The following KHDRBS3 variants were observed in gnomAD, a reference collection of about 807,000 sequenced individuals.
KHDRBS3 encodes the protein KH domain-containing, RNA-binding, signal transduction-associated protein 3.
Under a neutral mutation model 45.6 loss-of-function variants are expected in KHDRBS3, and 23 were observed. The ratio of observed to expected loss-of-function variants is 0.50; its 90% CI spans 0.36 to 0.72. The LOEUF (loss-of-function observed/expected upper bound fraction) is 0.72. KHDRBS3 is among the 30% of genes least tolerant of loss of function. KHDRBS3 has a pLI of 0.00. For synonymous variants in KHDRBS3, 162 were observed against 156.5 expected, an observed-to-expected ratio of 1.04 and a Z score of -0.26; for missense variants, 352 against 424.8, an observed-to-expected ratio of 0.83 and a Z score of 1.51.
At chr8:135,461,293 C>T (rs767990759) in intron 1 of KHDRBS3, among the ~76,000 whole-genome samples, 7 of 151,850 alleles carry the variant, frequency 4.6e-5, no homozygotes, top group South Asian at 2.1e-4. Context: ...TTAGTAGAGA[C>T]GGGGTTTCAC....
intron 7 of KHDRBS3, among the ~76,000 whole-genome samples, chr8:135,638,251 G>T (rs1461471075): frequency 6.6e-6 from 1 of 152,202 alleles, no homozygotes; most frequent in Non-Finnish European, 1.5e-5. Context: ...GGGTAATGGT[G>T]TTGGATCCCA....
chr8:135,599,969 A>C, intron 6 of KHDRBS3, among the ~76,000 whole-genome samples: 1 of 145,454 alleles, frequency 6.9e-6, no homozygotes, highest in Non-Finnish European at 1.5e-5. Flanking sequence ...CCTCCCTCAC[A>C]GCACCAGGCA....
chr8:135,570,841 A>G (rs1455617081), intron 5 of KHDRBS3, among the ~76,000 whole-genome samples: 1 of 152,114 alleles, frequency 6.6e-6, no homozygotes, highest in Non-Finnish European at 1.5e-5. Context: ...AATTCCTTCT[A>G]CTGAAATCAG....
intron 7 of KHDRBS3, among the ~76,000 whole-genome samples, chr8:135,610,227 C>T (rs1829654280): frequency 6.6e-6 from 1 of 151,858 alleles, no homozygotes; most frequent in African/African-American, 2.4e-5. Flanking sequence ...TTACTTAGAG[C>T]CTGCTCTAAA....
At chr8:135,540,119 C>A (rs1825972066) in intron 2 of KHDRBS3, 2 of 151,894 alleles carry the variant, frequency 1.3e-5, no homozygotes, top group African/African-American at 4.8e-5. Flanking sequence ...ATTTTTGAAA[C>A]CTATTAAAAT....
intron 5 of KHDRBS3, among the ~76,000 whole-genome samples, chr8:135,575,064 T>G (rs941812508): frequency 2.6e-5 from 4 of 152,192 alleles, no homozygotes; most frequent in African/African-American, 9.6e-5. Context: ...ATGTTTTTGC[T>G]CATGACAACT....
downstream of KHDRBS3, among the ~76,000 whole-genome samples, chr8:135,651,349 AT>A (rs1831424656): frequency 6.6e-6 from 1 of 151,370 alleles, no homozygotes; most frequent in South Asian, 2.1e-4. Context: ...ATACCTTAGT[AT>A]TGCTGTGAAG....
chr8:135,466,979 AAG>A (rs113082155), intron 1 of KHDRBS3, among the ~76,000 whole-genome samples: 20 of 152,282 alleles, frequency 1.3e-4, no homozygotes, highest in Middle Eastern at 3.4e-3. Context: ...AAATAACTAA[AAG>A]AGTATAATTG....
intron 2 of KHDRBS3, among the ~76,000 whole-genome samples, chr8:135,536,262 T>TTTTTTTTTTTTTTTTTTTTTTTA (rs1491256544): frequency 1.0e-5 from 1 of 98,762 alleles, no homozygotes; most frequent in Admixed American, 1.2e-4. Flanking sequence ...TTTTTTTTTT[T>TTTTTTTTTTTTTTTTTTTTTTTA]ATTATTGTTT....
chr8:135,610,224 G>T (rs1029397701), intron 7 of KHDRBS3, among the ~76,000 whole-genome samples: 1 of 151,868 alleles, frequency 6.6e-6, no homozygotes, highest in African/African-American at 2.4e-5. Flanking sequence ...CATTTACTTA[G>T]AGCCTGCTCT....
intron 1 of KHDRBS3, among the ~76,000 whole-genome samples, chr8:135,511,611 A>T (rs1487322443): frequency 1.3e-5 from 2 of 152,092 alleles, no homozygotes; most frequent in Admixed American, 1.3e-4. Flanking sequence ...GCTGGAGTGC[A>T]GTGGCGCGAT....
intron 7 of KHDRBS3, among the ~76,000 whole-genome samples, chr8:135,614,602 C>A (rs1463869815): frequency 1.3e-5 from 2 of 151,680 alleles, no homozygotes; most frequent in East Asian, 3.9e-4. Flanking sequence ...AACAAAAATA[C>A]TTCTAACACA....
chr8:135,515,228 T>A (rs894199579), intron 1 of KHDRBS3, among the ~76,000 whole-genome samples: 18 of 151,352 alleles, frequency 1.2e-4, no homozygotes, highest in Non-Finnish European at 3.0e-5. Flanking sequence ...TAGCCAGGCG[T>A]GGTGGCGGGC....
At chr8:135,530,866 A>G (rs74556281) in intron 2 of KHDRBS3, among the ~76,000 whole-genome samples, 5,793 of 152,216 alleles carry the variant, frequency 0.038, 358 homozygotes, top group African/African-American at 0.13. Context: ...ATCTCTCTTT[A>G]CATTTCATTT....
At chr8:135,538,025 A>G (rs1376078596) in intron 2 of KHDRBS3, among the ~76,000 whole-genome samples, 2 of 152,198 alleles carry the variant, frequency 1.3e-5, no homozygotes, top group African/African-American at 4.8e-5. Flanking sequence ...GGGAGAAAGC[A>G]CTGACCATGA....
intron 5 of KHDRBS3, among the ~76,000 whole-genome samples, chr8:135,564,617 G>A (rs1249330493): frequency 6.6e-6 from 1 of 152,148 alleles, no homozygotes; most frequent in African/African-American, 2.4e-5. Context: ...CCTACAGGCT[G>A]AGTCTCTGCT....
chr8:135,458,567 G>T, intron 1 of KHDRBS3: 1 of 314,720 alleles, frequency 3.2e-6, no homozygotes, highest in South Asian at 2.7e-5. Flanking sequence ...GGCTCCAACA[G>T]CCCTGGCGGG....
intron 7 of KHDRBS3, 124 bp from the exon 8 acceptor site, chr8:135,644,935 A>C: frequency 1.1e-5 from 10 of 940,752 alleles, no homozygotes; most frequent in Admixed American, 2.2e-5. Context: ...CTCGGTGGGA[A>C]TTTCTTTGAA....
intron 2 of KHDRBS3, chr8:135,542,429 A>G (rs1030676467): frequency 1.3e-5 from 6 of 454,382 alleles, no homozygotes; most frequent in African/African-American, 1.0e-4. Context: ...GAATATAGCC[A>G]TCACTGAAAT....
Sources: gnomAD v4.1 joint callset for allele counts (sites outside exome capture counted in the v4.1 genomes callset) on GRCh38, gnomAD v4.1.1 for gene constraint, MANE v1.5 for transcripts, NCBI Gene and HGNC (gene_info 2026-07-23, HGNC 2026-07-21) for gene names.